Variants in EGFR observed in about 807,000 individuals in gnomAD.
EGFR encodes the protein epidermal growth factor receptor.
EGFR carries 58 observed loss-of-function variants against 143.0 expected under a neutral mutation model. The observed-to-expected ratio is 0.41, with a 90% confidence interval of 0.33 to 0.50. EGFR has a LOEUF of 0.50. Ranked by LOEUF, EGFR falls within the 20% of genes least tolerant of loss-of-function variation. The pLI is 0.39. For synonymous variants in EGFR, 613 were observed against 594.4 expected, an observed-to-expected ratio of 1.03 and a Z score of -0.45; for missense variants, 1,307 against 1,579.0, an observed-to-expected ratio of 0.83 and a Z score of 2.92.
At chr7:55,061,386 T>C (rs1048546881) in intron 1 of EGFR, among the ~76,000 whole-genome samples, 3 of 152,170 alleles carry the variant, frequency 2.0e-5, no homozygotes, top group Non-Finnish European at 2.9e-5. Flanking sequence ...AGCCCCCATA[T>C]ACATAATCCC....
chr7:55,156,384 C>T, intron 8 of EGFR, 149 bp from the exon 9 acceptor site: 2 of 1,178,994 alleles, frequency 1.7e-6, no homozygotes, highest in Non-Finnish European at 2.5e-6. Flanking sequence ...TCCCCAGCCC[C>T]TTCAGTGTTT....
At chr7:55,133,261 GAGCTGTCTCATGCAA>G (rs1793956313) in intron 1 of EGFR, among the ~76,000 whole-genome samples, 1 of 152,178 alleles carries the variant, frequency 6.6e-6, no homozygotes. Context: ...AGGCAGCACT[GAGCTGTCTCATGCAA>G]AGCTGAGGAA....
chr7:55,193,625 A>C (rs536462079), intron 22 of EGFR, among the ~76,000 whole-genome samples: 2 of 152,292 alleles, frequency 1.3e-5, no homozygotes, highest in African/African-American at 4.8e-5. Flanking sequence ...GAACCCATGA[A>C]CCTACCCCTT....
rs17290454 is a variant in EGFR at position 55,181,947 on chromosome 7, AGCTGCTGCT to A, written c.2469+473_2469+481del. On this transcript the variant is annotated intron_variant, in intron 20 of 27. Coordinates refer to ENST00000275493, the MANE Select transcript of EGFR (RefSeq NM_005228.5). ...GGTGCAAGGAGCTGACAGAGGGCGCAGCTGCTGCTGCTATGTGGCTGGGGCCTTGGCTAA... is the reference window on the plus strand; with the variant it reads ...GGTGCAAGGAGCTGACAGAGGGCGCAGCTATGTGGCTGGGGCCTTGGCTAA... The A allele has an allele frequency of 2.1e-4, 52 of 251,330 alleles. 1 individual carries two copies. The East Asian group carries it at 2.9e-3, about 14-fold the overall frequency. 15.6% of individuals were successfully genotyped at this position (251,330 alleles called of 1,614,324 possible).
chr7:55,193,128 CA>C (rs753757402), intron 22 of EGFR, among the ~76,000 whole-genome samples: 3 of 152,008 alleles, frequency 2.0e-5, no homozygotes, highest in Non-Finnish European at 4.4e-5. Flanking sequence ...AAAGTCCAAC[CA>C]AACTTTAACG....
intron 1 of EGFR, among the ~76,000 whole-genome samples, chr7:55,098,593 A>G (rs1468203147): frequency 1.3e-5 from 2 of 152,238 alleles, no homozygotes; most frequent in African/African-American, 4.8e-5. Context: ...AAGAATCCTG[A>G]GAAATATAAG....
chr7:55,027,443 G>A (rs936813860), intron 1 of EGFR, among the ~76,000 whole-genome samples: 2 of 152,314 alleles, frequency 1.3e-5, no homozygotes, highest in South Asian at 4.1e-4. Context: ...TAGATGCTAA[G>A]GCATTAGAAT....
At chr7:55,061,649 TGA>T (rs1174312198) in intron 1 of EGFR, among the ~76,000 whole-genome samples, 1,453 of 132,722 alleles carry the variant, frequency 0.011, 17 homozygotes, top group African/African-American at 0.029. Flanking sequence ...TGTGTGTGTG[TGA>T]GAGAGAGAGA....
At chr7:55,077,983 C>T (rs1439681009) in intron 1 of EGFR, among the ~76,000 whole-genome samples, 1 of 152,064 alleles carries the variant, frequency 6.6e-6, no homozygotes, top group Non-Finnish European at 1.5e-5. Flanking sequence ...GGACCGGTGA[C>T]GCCGTGGGTG....
chr7:55,200,653 C>T (rs150947992), intron 24 of EGFR: 21 of 586,996 alleles, frequency 3.6e-5, no homozygotes, highest in Admixed American at 3.6e-4. Flanking sequence ...CTCTGGTGCT[C>T]GTCCTCACTG....
chr7:55,075,924 C>T (rs1790110980), intron 1 of EGFR, among the ~76,000 whole-genome samples: 1 of 152,172 alleles, frequency 6.6e-6, no homozygotes, highest in Non-Finnish European at 1.5e-5. Context: ...CTCTGCACAA[C>T]AGTTCTTTAC....
At chr7:55,133,950 G>C (rs1181971100) in intron 1 of EGFR, among the ~76,000 whole-genome samples, 1 of 152,232 alleles carries the variant, frequency 6.6e-6, no homozygotes, top group Non-Finnish European at 1.5e-5. Flanking sequence ...GTAAGCAAAA[G>C]TCTCAGCGCA....
intron 1 of EGFR, among the ~76,000 whole-genome samples, chr7:55,114,052 C>T (rs1248588860): frequency 6.6e-6 from 1 of 152,238 alleles, no homozygotes; most frequent in Admixed American, 6.5e-5. Flanking sequence ...CCTGTGTTCT[C>T]ACATTTCACA....
intron 1 of EGFR, chr7:55,043,872 A>G (rs1788041792): frequency 1.3e-5 from 2 of 152,188 alleles, no homozygotes; most frequent in Admixed American, 6.5e-5. Context: ...TGCCCAGAAG[A>G]GCAACAGCCA....
Position 55,156,810 on chromosome 7 carries a change from G to A in EGFR, c.1185G>A (p.Leu395=), listed in dbSNP as rs1785444329. The change falls in exon 10 of 28, where the codon CTG becomes CTA. Residue 395 remains leucine, a synonymous_variant. Transcript: ENST00000275493. ...TGGATCCACAGGAACTGGATATTCT[G>A]AAAACCGTAAAGGAAATCACAGGTT... ...PPLDPQELDI[L]KTVKEITGFL... The A allele has an allele frequency of 1.2e-6, 2 of 1,614,198 alleles. No individual in the cohort carries two copies. Among genetic ancestry groups the A allele is most frequent in the Middle Eastern group, 1.6e-4 (1 of 6,062 alleles).
intron 27 of EGFR, among the ~76,000 whole-genome samples, chr7:55,204,212 C>A (rs1787999013): frequency 6.7e-6 from 1 of 150,128 alleles, no homozygotes; most frequent in East Asian, 2.0e-4. Context: ...TGTACACACA[C>A]ACCACATATA....
chr7:55,126,268 T>C (rs1381857157), intron 1 of EGFR, among the ~76,000 whole-genome samples: 2 of 152,222 alleles, frequency 1.3e-5, no homozygotes, highest in Admixed American at 6.5e-5. Flanking sequence ...AGGAACAGCA[T>C]TGGTTCCAGT....
Position 55,164,871 on chromosome 7 carries a change from CAT to C in EGFR, c.1723-408_1723-407del, listed in dbSNP as rs17336905. Among the ~76,000 whole-genome samples the C allele has an allele frequency of 9.4e-3, 1,427 of 152,316 alleles. 11 individuals are homozygous for C. Among genetic ancestry groups the C allele is most frequent in the South Asian group, 0.029 (140 of 4,826 alleles). On this transcript the variant is annotated intron_variant, in intron 14 of 27. Coordinates refer to ENST00000275493, the MANE Select transcript of EGFR (RefSeq NM_005228.5). ...ACCTTCCTGTCACTGGAGAAACACT[CAT>C]GTGGGTTTTCTTAAATTTGCCTCCC...
chr7:55,104,020 T>C (rs1194075951), intron 1 of EGFR, among the ~76,000 whole-genome samples: 2 of 152,218 alleles, frequency 1.3e-5, no homozygotes, highest in Non-Finnish European at 2.9e-5. Context: ...GAAACAGCAA[T>C]GTCAATCGAG....
Sources: gnomAD v4.1 joint callset for allele counts (sites outside exome capture counted in the v4.1 genomes callset) on GRCh38, gnomAD v4.1.1 for gene constraint, MANE v1.5 for transcripts, NCBI Gene and HGNC (gene_info 2026-07-23, HGNC 2026-07-21) for gene names.